The following ADAM28 variants were observed in gnomAD, a reference collection of about 807,000 sequenced individuals.
The protein encoded by ADAM28 is ADAM metallopeptidase domain 28.
In ADAM28, 105 loss-of-function variants were observed where a neutral mutation model predicts 101.2. The ratio of observed to expected loss-of-function variants is 1.04; its 90% CI spans 0.89 to 1.22. The LOEUF (loss-of-function observed/expected upper bound fraction) is 1.22, where lower values mean the gene tolerates loss of function less well. Ranked by LOEUF, ADAM28 falls within the 50% of genes most tolerant of loss-of-function variation. The probability of loss-of-function intolerance (pLI) is 0.00; values close to 1 mark genes in which losing one functional copy is unlikely to be tolerated. For synonymous variants in ADAM28, 322 were observed against 310.6 expected (o/e 1.04, Z -0.39); for missense variants, 1,028 against 945.4 (o/e 1.09, Z -1.15).
At chr8:24,321,441 C>T in intron 8 of ADAM28, 152 bp downstream of exon 8, 1 of 704,778 alleles carries the variant, frequency 1.4e-6, no homozygotes, top group African/African-American at 1.8e-5. Context: ...ACAACTTTTG[C>T]TACATAGGTG....
chr8:24,296,491 C>A (rs958783312), intron 1 of ADAM28, among the ~76,000 whole-genome samples: 7 of 152,150 alleles, frequency 4.6e-5, no homozygotes, highest in African/African-American at 1.4e-4. Flanking sequence ...GTTTCAAACA[C>A]ATTTGAACGA....
intron 9 of ADAM28, among the ~76,000 whole-genome samples, chr8:24,324,410 G>A (rs1812278065): frequency 6.6e-6 from 1 of 151,930 alleles, no homozygotes; most frequent in East Asian, 1.9e-4. Flanking sequence ...GACCTGTTAA[G>A]AACAACAGGG....
chr8:24,332,537 A>G lies in ADAM28; in HGVS notation c.1282-123A>G, dbSNP rs529559518. On this transcript the variant is annotated intron_variant, in intron 12 of 22. Transcript: ENST00000265769. ...TTTCTAATTTTTTTTATATTTTTTG[A>G]AAAAGTCCTATTTAGACTCCACGAA... is the stretch of plus-strand genomic sequence containing the variant. 140 of 444,600 alleles carry G rather than the reference A, an allele frequency of 3.1e-4. 1 individual carries two copies. The highest frequency in any genetic ancestry group is 2.8e-3 in the African/African-American group (135 of 49,066). The allele number at this position is 444,600 out of a possible 1,614,324, so 27.5% of individuals were successfully genotyped here. A position where few individuals can be genotyped will look rare whatever the true frequency, so the allele number is the denominator to read the frequency against.
Position 24,356,030 on chromosome 8 carries a change from C to T in ADAM28, c.*1626C>T, listed in dbSNP as rs1202551326. On this transcript the variant is annotated 3_prime_UTR_variant, in exon 23 of 23. Coordinates refer to ENST00000265769, the MANE Select transcript of ADAM28 (RefSeq NM_014265.6). ...TCATTTACCCTTGCAGTATGAGGTT[C>T]TAGATAAGCCCACTCTGGCCTCAAA... is the stretch of plus-strand genomic sequence containing the variant. 2 of 152,144 alleles carry T rather than the reference C, an allele frequency of 1.3e-5. No homozygotes were observed. The highest frequency in any genetic ancestry group is 4.8e-5 in the African/African-American group (2 of 41,444). 9.4% of individuals were successfully genotyped at this position (152,144 alleles called of 1,614,324 possible). A position where few individuals can be genotyped will look rare whatever the true frequency, so the allele number is the denominator to read the frequency against.
rs1489348958 is a variant in ADAM28, at chr8:24,306,355, A to ATATATATATATATATAT, written c.151-3539_151-3538insTATATATATATATATAT. On this transcript the variant is annotated intron_variant, in intron 2 of 22. Transcript: ENST00000265769. ...TGAGACTCCATCTCAAATACAAATAAATAAATAAATATATATATATATATA... is the reference window on the plus strand; with the variant it reads ...TGAGACTCCATCTCAAATACAAATAATATATATATATATATATATAAATAAATATATATATATATATA... Among the ~76,000 whole-genome samples, 275 of 107,558 alleles carry ATATATATATATATATAT rather than the reference A, an allele frequency of 2.6e-3. 10 individuals carry two copies. Among genetic ancestry groups the ATATATATATATATATAT allele is most frequent in the East Asian group, 4.6e-3 (12 of 2,612 alleles). 70.6% of individuals were successfully genotyped at this position (107,558 alleles called of 152,430 possible).
intron 9 of ADAM28, among the ~76,000 whole-genome samples, chr8:24,325,897 A>AAAAAAAAAAAAAAAAAAAAAAAAG (rs1812544614): frequency 6.8e-6 from 1 of 147,854 alleles, no homozygotes; most frequent in Non-Finnish European, 1.5e-5. Flanking sequence ...AAAAAAAAAA[A>AAAAAAAAAAAAAAAAAAAAAAAAG]AAACCAAAAA....
chr8:24,321,695 A>G (rs1234658186), intron 8 of ADAM28, among the ~76,000 whole-genome samples: 1 of 151,966 alleles, frequency 6.6e-6, no homozygotes, highest in Non-Finnish European at 1.5e-5. Context: ...GAACAACGCT[A>G]AATGTTACTA....
In ADAM28 at chr8:24,313,552, A is replaced by T. The variant is rs1055503221; in HGVS notation, c.548A>T (p.Asn183Ile). The change falls in exon 6 of 23, where the codon AAC becomes ATC. Residue 183 changes from asparagine (N) to isoleucine (I), a missense_variant. Coordinates refer to ENST00000265769, the MANE Select transcript of ADAM28 (RefSeq NM_014265.6). Reference sequence around the variant, plus strand: ...TTGTGGGCCCACGATTTGCAGCAGAACATTGCCCTACCTGCCACCAAACTA... The same window carrying T: ...TTGTGGGCCCACGATTTGCAGCAGATCATTGCCCTACCTGCCACCAAACTA... Reference protein sequence around the residue: ...GVLWAHDLQQNIALPATKLVK... With the variant: ...GVLWAHDLQQIIALPATKLVK... The T allele has an allele frequency of 9.9e-6, 16 of 1,613,560 alleles. No individual in the cohort carries two copies. The highest frequency in any genetic ancestry group is 1.4e-5 in the Non-Finnish European group (16 of 1,179,774).
intron 6 of ADAM28, 80 bp downstream of exon 6, chr8:24,313,660 A>G (rs1028366811): frequency 1.5e-5 from 22 of 1,423,146 alleles, no homozygotes; most frequent in Non-Finnish European, 1.3e-5. Flanking sequence ...ATTTACTGAA[A>G]CTATAGTCAT....
At chr8:24,300,126 C>T (rs1417154054) in intron 2 of ADAM28, 49 bp downstream of exon 2, 3 of 1,363,752 alleles carry the variant, frequency 2.2e-6, no homozygotes, top group Non-Finnish European at 3.1e-6. Flanking sequence ...TACATATATA[C>T]ACACATATAT....
At chr8:24,349,512 G>C (rs1233544074) in intron 18 of ADAM28, among the ~76,000 whole-genome samples, 1 of 152,036 alleles carries the variant, frequency 6.6e-6, no homozygotes, top group Admixed American at 6.6e-5. Context: ...TTCCAAGACT[G>C]CTTTTCAAAA....
chr8:24,326,779 A>C (rs561932075), intron 10 of ADAM28, 144 bp downstream of exon 10: 1 of 685,520 alleles, frequency 1.5e-6, no homozygotes. Context: ...ATGTTGAACT[A>C]ATTTTGCATT....
chr8:24,328,539 A>T (rs1448123382), intron 10 of ADAM28, among the ~76,000 whole-genome samples: 6 of 152,110 alleles, frequency 3.9e-5, no homozygotes, highest in African/African-American at 1.4e-4. Flanking sequence ...CTAAAGCAAT[A>T]GTTCTAACAT....
At chr8:24,329,837 C>A (rs1216416875) in intron 10 of ADAM28, 148 bp from the exon 11 acceptor site, 8 of 802,374 alleles carry the variant, frequency 1.0e-5, no homozygotes, top group Non-Finnish European at 1.5e-5. Context: ...AGTACTCTCT[C>A]TCTCTTGCTC....
intron 14 of ADAM28, among the ~76,000 whole-genome samples, chr8:24,337,286 A>G (rs532216796): frequency 6.6e-6 from 1 of 152,230 alleles, no homozygotes; most frequent in Admixed American, 6.5e-5. Context: ...TAAGAAGCTC[A>G]TGTTTCCTTG....
Position 24,335,437 on chromosome 8 carries a change from T to C in ADAM28, c.1372-9T>C. 1 of 1,593,286 alleles carries C rather than the reference T, an allele frequency of 6.3e-7. No individual in the cohort carries two copies. The highest frequency in any genetic ancestry group is 1.1e-5 in the South Asian group (1 of 87,910). On this transcript the variant is annotated splice_polypyrimidine_tract_variant and intron_variant, in intron 13 of 22. Transcript: ENST00000265769. ...GAATAAAAAGCCTTCTATTTTTGTT[T>C]TTCTACAGTTTAAAAAGGCTGGGAT...
intron 10 of ADAM28, among the ~76,000 whole-genome samples, chr8:24,328,369 G>A (rs1237210014): frequency 6.6e-6 from 1 of 151,652 alleles, no homozygotes; most frequent in Non-Finnish European, 1.5e-5. Flanking sequence ...GTTCTTTCCA[G>A]CTTTCTACAT....
chr8:24,352,628 G>A (rs1220929741), intron 21 of ADAM28, among the ~76,000 whole-genome samples: 1 of 152,072 alleles, frequency 6.6e-6, no homozygotes, highest in Admixed American at 6.6e-5. Context: ...ATTGTGGGGT[G>A]ACACAAACAT....
chr8:24,349,769 A>G, intron 18 of ADAM28, 95 bp from the exon 19 acceptor site: 2 of 855,876 alleles, frequency 2.3e-6, no homozygotes, highest in Non-Finnish European at 3.7e-6. Context: ...AGAAAAGGGT[A>G]GCTGGAATAT....
Sources: allele counts gnomAD v4.1 joint callset (sites outside exome capture counted in the v4.1 genomes callset), GRCh38; gene constraint gnomAD v4.1.1; transcripts MANE v1.5; gene names NCBI Gene and HGNC (gene_info 2026-07-23, HGNC 2026-07-21).